The following MRTO4 variants were observed in gnomAD, a reference collection of about 807,000 sequenced individuals.
The protein encoded by MRTO4 is mRNA turnover protein 4 homolog.
A neutral mutation model predicts 28.6 loss-of-function variants in MRTO4; 7 were observed. The ratio of observed to expected loss-of-function variants is 0.24; its 90% CI spans 0.14 to 0.46. The LOEUF (loss-of-function observed/expected upper bound fraction) is 0.46, where lower values mean the gene tolerates loss of function less well. Ranked by LOEUF, MRTO4 falls within the 20% of genes least tolerant of loss-of-function variation. The pLI, the probability that MRTO4 is intolerant of heterozygous loss-of-function variation, is 0.99. For synonymous variants in MRTO4, 113 were observed against 108.2 expected, an observed-to-expected ratio of 1.04 and a Z score of -0.27; for missense variants, 302 against 298.3, an observed-to-expected ratio of 1.01 and a Z score of -0.09.
intron 6 of MRTO4, 35 bp downstream of exon 6, chr1:19,258,019 T>G (rs773390812): frequency 6.2e-7 from 1 of 1,607,630 alleles, no homozygotes; most frequent in Admixed American, 1.7e-5. Context: ...GGTCACAGCC[T>G]AGAGTCCAAG....
rs539822503 is a variant in MRTO4 at position 19,256,375 on chromosome 1, G to T, written c.191+324G>T. ...TACTGAAAATACAAAAATTAGCCGG[G>T]CATGGTGGCAGGCACCTATAATCCC... On this transcript the variant is annotated intron_variant, in intron 3 of 7. Transcript: ENST00000330263. Among the ~76,000 whole-genome samples the T allele has an allele frequency of 4.7e-4, 72 of 152,270 alleles. 1 individual carries two copies. In the South Asian group the frequency reaches 0.014, roughly 29 times the overall value.
chr1:19,258,065 G>C, intron 6 of MRTO4, 81 bp downstream of exon 6: 1 of 1,509,126 alleles, frequency 6.6e-7, no homozygotes, highest in Non-Finnish European at 8.9e-7. Flanking sequence ...TTCTAGCTGA[G>C]CAAGTTATTT....
At chr1:19,258,445 C>G (rs954759025) in intron 6 of MRTO4, 32 bp from the exon 7 acceptor site, 1 of 1,612,110 alleles carries the variant, frequency 6.2e-7, no homozygotes, top group African/African-American at 1.3e-5. Flanking sequence ...GCCTCTGGGC[C>G]AGAGGTAACT....
In MRTO4 at chr1:19,257,464, G is replaced by A. The variant is rs768051757; in HGVS notation, c.284G>A (p.Arg95Lys). 1 of 1,614,242 alleles carries A rather than the reference G, an allele frequency of 6.2e-7. No individual in the cohort carries two copies. The highest frequency in any genetic ancestry group is 8.5e-7 in the Non-Finnish European group (1 of 1,180,034). The part of the protein sequence containing the change: ...YKDNLHQVSK[R>K]LRGEVGLLFT... ...ACTCCTGATTTGTAGGTCAGCAAAAGGTTGAGGGGTGAGGTGGGTCTCCTG... is the reference window on the plus strand; with the variant it reads ...ACTCCTGATTTGTAGGTCAGCAAAAAGTTGAGGGGTGAGGTGGGTCTCCTG... The change falls in exon 5 of 8, where the codon AGG becomes AAG. Residue 95 changes from arginine (R) to lysine (K), a missense_variant. Transcript: ENST00000330263.
intron 4 of MRTO4, 113 bp downstream of exon 4, chr1:19,257,258 G>T: frequency 7.8e-7 from 1 of 1,279,604 alleles, no homozygotes; most frequent in Non-Finnish European, 1.1e-6. Context: ...AGGGAGAGCA[G>T]GGCCTGGCTT....
chr1:19,254,777 A>C lies in MRTO4; in HGVS notation c.29-5A>C. The C allele has an allele frequency of 6.2e-7, 1 of 1,609,378 alleles. No homozygotes were observed. Among genetic ancestry groups the C allele is most frequent in the Non-Finnish European group, 8.5e-7 (1 of 1,176,630 alleles). On this transcript the variant is annotated splice_region_variant and splice_polypyrimidine_tract_variant and intron_variant, in intron 1 of 7. Coordinates refer to ENST00000330263, the MANE Select transcript of MRTO4 (RefSeq NM_016183.4). ...CATCATCTCTCTCCTTTTTGTTTTT[A>C]TTAGTCTCCTTAACCAAAACTGCCA...
intron 1 of MRTO4, among the ~76,000 whole-genome samples, chr1:19,254,070 T>C (rs1482010644): frequency 6.6e-6 from 1 of 152,142 alleles, no homozygotes; most frequent in African/African-American, 2.4e-5. Flanking sequence ...GGCCTCTGCA[T>C]CATGGTCAAG....
rs140930864 is a variant in MRTO4, at chr1:19,257,497, A to G, written c.317A>G (p.Asn106Ser). 1.6e-4 allele frequency: 257 copies of G among 1,614,242 alleles called. 2 individuals are homozygous for G. The highest frequency in any genetic ancestry group is 1.6e-3 in the African/African-American group (117 of 75,074). ...LRGEVGLLFT[N>S]RTKEEVNEWF... is the part of the protein sequence containing the mutation. ...GGTGAGGTGGGTCTCCTGTTCACCA[A>G]CCGCACAAAGGAGGAGGTGAATGAG... The change falls in exon 5 of 8, where the codon AAC becomes AGC. Residue 106 changes from asparagine (N) to serine (S), a missense_variant. Physicochemically the swap from Asn to Ser is conservative, Grantham distance 46. Coordinates refer to ENST00000330263, the MANE Select transcript of MRTO4 (RefSeq NM_016183.4).
Position 19,251,871 on chromosome 1 carries a change from A to C in MRTO4, c.28+8A>C. 1 of 1,591,878 alleles carries C rather than the reference A, an allele frequency of 6.3e-7. No homozygotes were observed. On this transcript the variant is annotated splice_region_variant and intron_variant, in intron 1 of 7. Coordinates refer to ENST00000330263, the MANE Select transcript of MRTO4 (RefSeq NM_016183.4). ...CCAAGCGCGACAAGAAAGGTGGGCG[A>C]AGGGGGAGTCGGGACCCTGGGGGGA...
intron 3 of MRTO4, 146 bp downstream of exon 3, chr1:19,256,197 G>A: frequency 1.5e-6 from 1 of 681,474 alleles, no homozygotes; most frequent in Non-Finnish European, 2.6e-6. Context: ...ACCTGCCACT[G>A]AAGAGCACTT....
At chr1:19,254,885 A>G (rs761515925) in intron 2 of MRTO4, 45 bp downstream of exon 2, 1 of 1,543,574 alleles carries the variant, frequency 6.5e-7, no homozygotes. Context: ...TTTGGTTTAT[A>G]AAGGTAGGTA....
At position 19,259,058 on chromosome 1, in the gene MRTO4, T is replaced by G. The variant is rs749741886; in HGVS notation, c.*228T>G. The G allele has an allele frequency of 9.7e-5, 46 of 472,520 alleles. No individual in the cohort carries two copies. Among genetic ancestry groups the G allele is most frequent in the Non-Finnish European group, 1.6e-4 (43 of 267,260 alleles). The allele number at this position is 472,520 out of a possible 1,614,324, so 29.3% of individuals were successfully genotyped here. A position where few individuals can be genotyped will look rare whatever the true frequency, so the allele number is the denominator to read the frequency against. ...TGGGCAGATCATAAGGTCGGGAGAT[T>G]AAGACCATCCTGGCTAACACGGTGA... On this transcript the variant is annotated 3_prime_UTR_variant, in exon 8 of 8. Transcript: ENST00000330263.
At chr1:19,251,907 C>T (rs1225597824) in intron 1 of MRTO4, 44 bp downstream of exon 1, 15 of 1,573,346 alleles carry the variant, frequency 9.5e-6, no homozygotes, top group Non-Finnish European at 1.3e-5. Flanking sequence ...GCTCCGTGGG[C>T]TGGCTACCCA....
Position 19,257,142 on chromosome 1 carries a change from C to G in MRTO4, c.270C>G (p.His90Gln). 6.2e-7 allele frequency: 1 copy of G among 1,613,852 alleles called. No individual in the cohort carries two copies. Among genetic ancestry groups the G allele is most frequent in the African/African-American group, 1.3e-5 (1 of 74,980 alleles). The change falls in exon 4 of 8, where the codon CAC (histidine) becomes CAG (glutamine). Residue 90 changes from histidine to glutamine, a missense_variant. Physicochemically the swap from His to Gln is conservative, Grantham distance 24 (BLOSUM62 0). Coordinates refer to ENST00000330263, the MANE Select transcript of MRTO4 (RefSeq NM_016183.4). ...SPSDEYKDNL[H>Q]QVSKRLRGEV... The stretch of plus-strand genomic sequence containing the variant: ...CTGATGAATACAAAGACAACCTGCA[C>G]CAGGTAAGTCTCTGGCCCTCACGGG...
Position 19,257,529 on chromosome 1 carries a change from C to G in MRTO4, c.341+8C>G. The G allele has an allele frequency of 6.2e-7, 1 of 1,614,092 alleles. No homozygotes were observed. The highest frequency in any genetic ancestry group is 8.5e-7 in the Non-Finnish European group (1 of 1,179,962). Reference sequence around the variant, plus strand: ...AAAGGAGGAGGTGAATGAGTAAGTACTGCTGAGGAACGGAGGGAAAGAGGC... The same window carrying G: ...AAAGGAGGAGGTGAATGAGTAAGTAGTGCTGAGGAACGGAGGGAAAGAGGC... On this transcript the variant is annotated splice_region_variant and intron_variant, in intron 5 of 7. Transcript: ENST00000330263.
chr1:19,257,988 T>C lies in MRTO4; in HGVS notation c.493+4T>C. The C allele has an allele frequency of 3.1e-6, 5 of 1,613,338 alleles. No homozygotes were observed. The highest frequency in any genetic ancestry group is 3.3e-4 in the Middle Eastern group (2 of 6,060). ...CTGCCCACCGCCCTCAAGAGAGGTA[T>C]GGGCAGCCCTGGAGCCAAAAGGTCA... is the stretch of plus-strand genomic sequence containing the variant. On this transcript the variant is annotated splice_donor_region_variant and intron_variant, in intron 6 of 7. Coordinates refer to ENST00000330263, the MANE Select transcript of MRTO4 (RefSeq NM_016183.4).
chr1:19,255,397 T>A (rs1196544788), intron 2 of MRTO4, among the ~76,000 whole-genome samples: 1 of 93,982 alleles, frequency 1.1e-5, no homozygotes, highest in Admixed American at 8.6e-5. Flanking sequence ...AGTGAGACCC[T>A]GTCTTTAAAA....
intron 1 of MRTO4, 156 bp downstream of exon 1, chr1:19,252,019 G>A (rs967673681): frequency 7.0e-6 from 8 of 1,148,884 alleles, no homozygotes; most frequent in African/African-American, 3.1e-5. Flanking sequence ...GGGGGCTTCG[G>A]GGCTGTAAAA....
rs1318484134 is a variant in MRTO4, at chr1:19,258,521, G to A, written c.538G>A (p.Asp180Asn). 17 of 1,613,988 alleles carry A rather than the reference G, an allele frequency of 1.1e-5. No individual in the cohort carries two copies. Among genetic ancestry groups the A allele is most frequent in the African/African-American group, 6.7e-5 (5 of 74,938 alleles). Reference sequence around the variant, plus strand: ...TGACTACGAGGTGTGCAAGGAGGGCGATGTGCTGACCCCAGAGCAGGCTCG... The same window carrying A: ...TGACTACGAGGTGTGCAAGGAGGGCAATGTGCTGACCCCAGAGCAGGCTCG... Reference protein sequence around the residue: ...LSDYEVCKEGDVLTPEQARVL... With the variant: ...LSDYEVCKEGNVLTPEQARVL... Residue 180 changes from aspartate to asparagine, a missense_variant, in exon 7 of 8, where the codon GAT (aspartate) becomes AAT (asparagine). Asp to Asn is a conservative substitution (Grantham distance 23). Coordinates refer to ENST00000330263, the MANE Select transcript of MRTO4 (RefSeq NM_016183.4).
Sources: allele counts gnomAD v4.1 joint callset (sites outside exome capture counted in the v4.1 genomes callset), GRCh38; gene constraint gnomAD v4.1.1; transcripts MANE v1.5; gene names NCBI Gene and HGNC (gene_info 2026-07-23, HGNC 2026-07-21).